The following TBC1D22A variants were observed in gnomAD, a reference collection of about 807,000 sequenced individuals.
TBC1D22A encodes the protein putative GTPase activator.
TBC1D22A carries 38 observed loss-of-function variants against 60.2 expected under a neutral mutation model. That is an observed-to-expected ratio of 0.63 (90% confidence interval 0.49 to 0.83). The LOEUF is 0.83. TBC1D22A is among the 40% of genes least tolerant of loss of function. The pLI, the probability that TBC1D22A is intolerant of heterozygous loss-of-function variation, is 0.00. For synonymous variants in TBC1D22A, 302 were observed against 281.7 expected, an observed-to-expected ratio of 1.07 and a Z score of -0.72; for missense variants, 628 against 701.0, an observed-to-expected ratio of 0.90 and a Z score of 1.18.
At chr22:47,017,866 T>G (rs1477520441) in intron 10 of TBC1D22A, among the ~76,000 whole-genome samples, 4 of 152,252 alleles carry the variant, frequency 2.6e-5, no homozygotes, top group Non-Finnish European at 5.9e-5. Context: ...CCATCTATTA[T>G]TTAAAAGGTT....
At chr22:46,810,389 C>G (rs1446881932) in intron 4 of TBC1D22A, among the ~76,000 whole-genome samples, 2 of 151,870 alleles carry the variant, frequency 1.3e-5, no homozygotes, top group Non-Finnish European at 2.9e-5. Context: ...CCACCCCATT[C>G]TTTTAAAAAT....
chr22:46,889,842 T>C (rs574135324), intron 5 of TBC1D22A, among the ~76,000 whole-genome samples: 13 of 152,294 alleles, frequency 8.5e-5, no homozygotes, highest in Non-Finnish European at 1.9e-4. Flanking sequence ...TGGGATGGAC[T>C]GCAGAGGATA....
chr22:46,893,897 G>T (rs764224841), intron 6 of TBC1D22A, among the ~76,000 whole-genome samples: 8 of 152,196 alleles, frequency 5.3e-5, no homozygotes, highest in African/African-American at 1.9e-4. Flanking sequence ...CACCAGTAAC[G>T]TTTTGAGATA....
intron 8 of TBC1D22A, among the ~76,000 whole-genome samples, chr22:46,965,532 C>T (rs899128941): frequency 1.3e-5 from 2 of 152,268 alleles, no homozygotes; most frequent in African/African-American, 4.8e-5. Flanking sequence ...ATCTCCGGAG[C>T]AGCAAATGGA....
Position 47,145,959 on chromosome 22 carries a change from C to T in TBC1D22A, c.1426-27539C>T, listed in dbSNP as rs111498521. Reference sequence around the variant, plus strand: ...TAAAGCAGGGGTTGACTGGGGGCTGCGGCACGGGGATGCACTGGATTGCTG... The same window carrying T: ...TAAAGCAGGGGTTGACTGGGGGCTGTGGCACGGGGATGCACTGGATTGCTG... On this transcript the variant is annotated intron_variant, in intron 12 of 12. Transcript: ENST00000337137. Among the ~76,000 whole-genome samples the T allele has an allele frequency of 9.6e-3, 1,463 of 151,796 alleles. 21 individuals carry two copies. Among genetic ancestry groups the T allele is most frequent in the African/African-American group, 0.033 (1,363 of 41,302 alleles).
rs1378520761 is a variant in TBC1D22A, at chr22:47,024,411, A to G, written c.1202-12660A>G. ...TGCAAATGATCTAGACACTTTAATT[A>G]AAAGGCAGATCGTGTTAGATTGGAT... On this transcript the variant is annotated intron_variant, in intron 10 of 12. Coordinates refer to ENST00000337137, the MANE Select transcript of TBC1D22A (RefSeq NM_014346.5). Among the ~76,000 whole-genome samples, 2 of 152,208 alleles carry G rather than the reference A, an allele frequency of 1.3e-5. 1 individual carries two copies. Among genetic ancestry groups the G allele is most frequent in the East Asian group, 3.8e-4 (2 of 5,204 alleles).
chr22:47,054,182 G>T (rs762625520), intron 11 of TBC1D22A, among the ~76,000 whole-genome samples: 1 of 152,190 alleles, frequency 6.6e-6, no homozygotes, highest in Non-Finnish European at 1.5e-5. Flanking sequence ...GGACGTGCAG[G>T]GACCCACAAT....
chr22:46,928,445 G>A (rs2071171663), intron 8 of TBC1D22A, among the ~76,000 whole-genome samples: 1 of 152,200 alleles, frequency 6.6e-6, no homozygotes, highest in South Asian at 2.1e-4. Context: ...TGACCTAAAT[G>A]TAAGAGCTGA....
chr22:47,098,952 C>T (rs1470983469), intron 11 of TBC1D22A, among the ~76,000 whole-genome samples: 1 of 152,164 alleles, frequency 6.6e-6, no homozygotes, highest in East Asian at 1.9e-4. Context: ...ACTCAGCGAG[C>T]TTGCACACAG....
Position 46,989,567 on chromosome 22 carries a change from G to A in TBC1D22A, c.1126-8067G>A, listed in dbSNP as rs1378575689. On this transcript the variant is annotated intron_variant, in intron 9 of 12. Coordinates refer to ENST00000337137, the MANE Select transcript of TBC1D22A (RefSeq NM_014346.5). Reference sequence around the variant, plus strand: ...GGCCCGAGGAGAGGGAGAGAGATGGGGAACTGCCGGTCAGCGGGGCAGTTG... The same window carrying A: ...GGCCCGAGGAGAGGGAGAGAGATGGAGAACTGCCGGTCAGCGGGGCAGTTG... Among the ~76,000 whole-genome samples, 6 of 152,076 alleles carry A rather than the reference G, an allele frequency of 3.9e-5. No homozygotes were observed. The East Asian group carries it at 1.2e-3, about 29-fold the overall frequency.
At chr22:46,960,989 C>T (rs531843086) in intron 8 of TBC1D22A, among the ~76,000 whole-genome samples, 9 of 145,672 alleles carry the variant, frequency 6.2e-5, no homozygotes, top group East Asian at 2.0e-4. Context: ...ATACCCAGTC[C>T]GTAGCTAAGA....
At chr22:46,848,783 A>G (rs552275306) in intron 4 of TBC1D22A, among the ~76,000 whole-genome samples, 2 of 152,268 alleles carry the variant, frequency 1.3e-5, no homozygotes, top group South Asian at 4.1e-4. Context: ...AAGTAGTCTC[A>G]CGTACACTTT....
chr22:46,951,990 G>A (rs926054746), intron 8 of TBC1D22A, among the ~76,000 whole-genome samples: 4 of 152,206 alleles, frequency 2.6e-5, no homozygotes, highest in African/African-American at 9.7e-5. Flanking sequence ...AAGTCACAGA[G>A]CAGGCTGTTT....
intron 11 of TBC1D22A, among the ~76,000 whole-genome samples, chr22:47,039,693 G>A (rs980197972): frequency 1.3e-4 from 17 of 132,716 alleles, no homozygotes; most frequent in South Asian, 2.5e-4. Flanking sequence ...TCATGGATGC[G>A]TGCATTTCAG....
chr22:47,132,643 C>T (rs1033434255), intron 12 of TBC1D22A, among the ~76,000 whole-genome samples: 4 of 152,216 alleles, frequency 2.6e-5, no homozygotes, highest in African/African-American at 7.2e-5. Flanking sequence ...CTTCCCTGGC[C>T]GTGTTGGGAG....
chr22:46,839,017 A>G (rs2086637738), intron 4 of TBC1D22A, among the ~76,000 whole-genome samples: 1 of 152,264 alleles, frequency 6.6e-6, no homozygotes, highest in South Asian at 2.1e-4. Flanking sequence ...ATTAGACAGT[A>G]AAAAGAAATA....
At chr22:46,911,480 C>T (rs990478304) in intron 7 of TBC1D22A, among the ~76,000 whole-genome samples, 7 of 152,200 alleles carry the variant, frequency 4.6e-5, no homozygotes, top group Non-Finnish European at 1.0e-4. Flanking sequence ...AGGTCAGGTG[C>T]TGCTGCACGG....
chr22:46,942,440 G>A (rs2072230199), intron 8 of TBC1D22A, among the ~76,000 whole-genome samples: 1 of 152,152 alleles, frequency 6.6e-6, no homozygotes, highest in African/African-American at 2.4e-5. Flanking sequence ...GGCTACTCTG[G>A]TCACAGCGTT....
chr22:47,042,993 C>A (rs956418778), intron 11 of TBC1D22A, among the ~76,000 whole-genome samples: 4 of 152,196 alleles, frequency 2.6e-5, no homozygotes, highest in Non-Finnish European at 5.9e-5. Context: ...CACCTTGGGC[C>A]CCGAATCACT....
Sources: gnomAD v4.1 joint callset for allele counts (sites outside exome capture counted in the v4.1 genomes callset) on GRCh38, gnomAD v4.1.1 for gene constraint, MANE v1.5 for transcripts, NCBI Gene and HGNC (gene_info 2026-07-23, HGNC 2026-07-21) for gene names.